Variants in METTL15 observed in about 807,000 individuals in gnomAD.
METTL15 encodes 12S rRNA N(4)-cytidine methyltransferase METTL15.
In METTL15, 34 loss-of-function variants were observed where a neutral mutation model predicts 38.3. The ratio of observed to expected loss-of-function variants is 0.89; its 90% confidence interval spans 0.68 to 1.18. The LOEUF (loss-of-function observed/expected upper bound fraction) is 1.18. Ranked by LOEUF, METTL15 falls within the 50% of genes most tolerant of loss-of-function variation. METTL15 has a pLI of 0.00. For synonymous variants in METTL15, 162 were observed against 170.9 expected (o/e 0.95, Z 0.41); for missense variants, 438 against 498.4 (o/e 0.88, Z 1.15).
At chr11:28,358,155 A>G (rs987194193) in intron 4 of METTL15, among the ~76,000 whole-genome samples, 3 of 152,164 alleles carry the variant, frequency 2.0e-5, no homozygotes, top group Non-Finnish European at 4.4e-5. Flanking sequence ...TCACAGACAT[A>G]GAGACCTCAA....
intron 6 of METTL15, among the ~76,000 whole-genome samples, chr11:28,479,080 T>C (rs1262568367): frequency 6.6e-6 from 1 of 151,904 alleles, no homozygotes; most frequent in Non-Finnish European, 1.5e-5. Flanking sequence ...TGTGTGTGTG[T>C]GTGTGTGTGT....
intron 6 of METTL15, among the ~76,000 whole-genome samples, chr11:28,313,904 A>G (rs1000350731): frequency 4.6e-5 from 7 of 152,172 alleles, no homozygotes; most frequent in African/African-American, 1.2e-4. Context: ...AATAGCACAT[A>G]TATGCCTTTA....
chr11:28,145,290 C>T (rs1162840788), intron 3 of METTL15: 2 of 152,062 alleles, frequency 1.3e-5, no homozygotes, highest in African/African-American at 2.4e-5. Context: ...CTACCTTCAT[C>T]TCTTTCATAT....
At chr11:28,397,296 G>A (rs1289952988) in intron 5 of METTL15, among the ~76,000 whole-genome samples, 1 of 151,834 alleles carries the variant, frequency 6.6e-6, no homozygotes, top group African/African-American at 2.4e-5. Flanking sequence ...CCATCAGAGT[G>A]AACAGGCAAC....
At chr11:28,151,475 C>G (rs1294170916) in intron 3 of METTL15, among the ~76,000 whole-genome samples, 5 of 151,840 alleles carry the variant, frequency 3.3e-5, no homozygotes, top group Non-Finnish European at 7.4e-5. Context: ...CCCATTTTAC[C>G]TCTTCAACCT....
intron 4 of METTL15, among the ~76,000 whole-genome samples, chr11:28,357,879 C>T (rs994693788): frequency 1.3e-5 from 2 of 151,868 alleles, no homozygotes; most frequent in South Asian, 2.1e-4. Flanking sequence ...GAAAGAGCAA[C>T]GAGAGAAGAA....
chr11:28,443,404 T>A (rs1366654846), intron 6 of METTL15, among the ~76,000 whole-genome samples: 1 of 152,138 alleles, frequency 6.6e-6, no homozygotes, highest in East Asian at 1.9e-4. Flanking sequence ...CTGTTCCCTA[T>A]CTGTATGCTC....
At chr11:28,293,311 G>C (rs1383622164) in intron 5 of METTL15, among the ~76,000 whole-genome samples, 1 of 152,160 alleles carries the variant, frequency 6.6e-6, no homozygotes, top group African/African-American at 2.4e-5. Flanking sequence ...ATTAAACAGG[G>C]AATCCTTTCC....
intron 5 of METTL15, among the ~76,000 whole-genome samples, chr11:28,389,848 A>C (rs533854244): frequency 6.6e-6 from 1 of 151,832 alleles, no homozygotes; most frequent in African/African-American, 2.4e-5. Flanking sequence ...AGTCCCACCA[A>C]CAGTGTAAAA....
intron 6 of METTL15, among the ~76,000 whole-genome samples, chr11:28,325,343 G>A (rs1044165676): frequency 2.6e-5 from 4 of 152,098 alleles, no homozygotes; most frequent in Non-Finnish European, 4.4e-5. Context: ...AACTCCACCC[G>A]CTAGGCTGAG....
intron 6 of METTL15, among the ~76,000 whole-genome samples, chr11:28,464,545 C>A (rs1159426788): frequency 1.3e-5 from 2 of 152,172 alleles, no homozygotes; most frequent in Non-Finnish European, 2.9e-5. Flanking sequence ...CACTTGTGGT[C>A]ATCTCTGTAG....
intron 6 of METTL15, among the ~76,000 whole-genome samples, chr11:28,491,724 A>G (rs1201808401): frequency 1.3e-5 from 2 of 152,178 alleles, no homozygotes; most frequent in Non-Finnish European, 2.9e-5. Flanking sequence ...CAGATATAAT[A>G]TAGAACATCA....
intron 6 of METTL15, among the ~76,000 whole-genome samples, chr11:28,318,276 G>C (rs1199835393): frequency 6.6e-6 from 1 of 152,088 alleles, no homozygotes; most frequent in African/African-American, 2.4e-5. Context: ...GATTGGGGAA[G>C]TAAAGGAAAG....
chr11:28,227,009 A>G (rs554190991), intron 4 of METTL15, among the ~76,000 whole-genome samples: 12 of 152,064 alleles, frequency 7.9e-5, no homozygotes, highest in Non-Finnish European at 1.8e-4. Flanking sequence ...TAACAAAAAC[A>G]TTACGAAAAT....
At chr11:28,413,596 C>T (rs1850747951) in intron 5 of METTL15, among the ~76,000 whole-genome samples, 1 of 152,056 alleles carries the variant, frequency 6.6e-6, no homozygotes, top group Admixed American at 6.6e-5. Flanking sequence ...CCCTTTTCTT[C>T]TGACTCTAGA....
chr11:28,269,799 A>G (rs2034102810), intron 4 of METTL15, among the ~76,000 whole-genome samples: 1 of 152,216 alleles, frequency 6.6e-6, no homozygotes, highest in African/African-American at 2.4e-5. Flanking sequence ...GCATCCATGC[A>G]TGGAGTTAAA....
chr11:28,113,480 C>T lies in METTL15; in HGVS notation c.146C>T (p.Thr49Ile), dbSNP rs1851808474. Reference sequence around the variant, plus strand: ...AGAGAATATGAAGCCCGGGAGCAAACAGATCAAACTCAAGCCCAGGAGTTA... The same window carrying T: ...AGAGAATATGAAGCCCGGGAGCAAATAGATCAAACTCAAGCCCAGGAGTTA... ...KYREYEAREQ[T>I]DQTQAQELHR... The change falls in exon 3 of 7, where the codon ACA becomes ATA. Residue 49 changes from threonine to isoleucine, a missense_variant. Thr to Ile is a moderately conservative substitution (Grantham distance 89). Transcript: ENST00000407364. The T allele has an allele frequency of 2.5e-6, 4 of 1,612,602 alleles. No homozygotes were observed. Among genetic ancestry groups the T allele is most frequent in the Non-Finnish European group, 3.4e-6 (4 of 1,179,814 alleles).
chr11:28,196,398 C>T (rs1263908641), intron 3 of METTL15, among the ~76,000 whole-genome samples: 1 of 151,852 alleles, frequency 6.6e-6, no homozygotes, highest in Non-Finnish European at 1.5e-5. Context: ...TTGTAGCTCA[C>T]CTTGTAGAGA....
At chr11:28,370,850 T>C (rs1462581440) in intron 5 of METTL15, among the ~76,000 whole-genome samples, 1 of 152,120 alleles carries the variant, frequency 6.6e-6, no homozygotes, top group Non-Finnish European at 1.5e-5. Flanking sequence ...ATAGGTCTTC[T>C]TTTGAAAAAT....
Sources: gnomAD v4.1 joint callset for allele counts (sites outside exome capture counted in the v4.1 genomes callset) on GRCh38, gnomAD v4.1.1 for gene constraint, MANE v1.5 for transcripts, NCBI Gene and HGNC (gene_info 2026-07-23, HGNC 2026-07-21) for gene names.